Variants in ROBO2 observed in about 807,000 individuals in gnomAD.
ROBO2 encodes roundabout guidance receptor 2.
In ROBO2, 53 loss-of-function variants were observed where a neutral mutation model predicts 160.8. The observed-to-expected ratio is 0.33, with a 90% CI of 0.26 to 0.41. ROBO2 has a LOEUF of 0.41. Among genes scored for constraint, ROBO2 ranks in the 10% least tolerant of loss-of-function variants. The pLI, the probability that ROBO2 is intolerant of heterozygous loss-of-function variation, is 1.00. For synonymous variants in ROBO2, 664 were observed against 611.7 expected (o/e 1.09, Z -1.26); for missense variants, 1,577 against 1,722.4 (o/e 0.92, Z 1.49).
At chr3:77,209,289 C>A (rs1056521451) in intron 2 of ROBO2, among the ~76,000 whole-genome samples, 2 of 152,008 alleles carry the variant, frequency 1.3e-5, no homozygotes, top group African/African-American at 4.8e-5. Context: ...AATCAAAAAA[C>A]ATCTCTGTTG....
chr3:76,356,238 T>G (rs895972614), intron 2 of ROBO2, among the ~76,000 whole-genome samples: 3 of 151,592 alleles, frequency 2.0e-5, no homozygotes, highest in Non-Finnish European at 3.0e-5. Flanking sequence ...ACAAAGCACT[T>G]GAGTCATGCA....
In ROBO2 at chr3:77,112,266, C is replaced by T. The variant is rs965253458; in HGVS notation, c.388+13926C>T. On this transcript the variant is annotated intron_variant, in intron 2 of 25. Transcript: ENST00000461745. ...GGGGTGGAGGGGGGGACGCAGGGGC[C>T]GGAGTCTCGCCTTGTCGCCCAGGCT... Among the ~76,000 whole-genome samples, 6 of 149,436 alleles carry T rather than the reference C, an allele frequency of 4.0e-5. No individual in the cohort carries two copies. In the South Asian group the frequency reaches 1.1e-3, roughly 27 times the overall value.
At chr3:77,133,016 C>T (rs2075986999) in intron 2 of ROBO2, among the ~76,000 whole-genome samples, 2 of 152,106 alleles carry the variant, frequency 1.3e-5, no homozygotes, top group Admixed American at 1.3e-4. Flanking sequence ...GCTCCATGTA[C>T]AGTTAGCTAC....
intron 2 of ROBO2, among the ~76,000 whole-genome samples, chr3:76,560,616 C>CAAAAAAAAAA (rs1160642120): frequency 9.3e-6 from 1 of 108,024 alleles, no homozygotes. Flanking sequence ...TCTGATTTCA[C>CAAAAAAAAAA]AAAAAAAAAA....
intron 2 of ROBO2, among the ~76,000 whole-genome samples, chr3:76,581,481 T>TA (rs1221525616): frequency 1.3e-5 from 2 of 151,736 alleles, no homozygotes; most frequent in Non-Finnish European, 2.9e-5. Context: ...TAAACAAAAA[T>TA]AAAAAAATCA....
chr3:77,426,241 G>A (rs571362963), intron 2 of ROBO2, among the ~76,000 whole-genome samples: 14 of 152,052 alleles, frequency 9.2e-5, no homozygotes, highest in African/African-American at 2.9e-4. Context: ...TCCAAGTGCC[G>A]GCTTCATGAT....
At chr3:76,037,229 A>G (rs2067137419) in intron 2 of ROBO2, among the ~76,000 whole-genome samples, 1 of 151,664 alleles carries the variant, frequency 6.6e-6, no homozygotes, top group African/African-American at 2.4e-5. Flanking sequence ...AACACATGCT[A>G]AATTAAAAAT....
At chr3:77,130,305 C>T (rs891898696) in intron 2 of ROBO2, among the ~76,000 whole-genome samples, 8 of 152,152 alleles carry the variant, frequency 5.3e-5, no homozygotes, top group African/African-American at 1.9e-4. Context: ...AAATGCATGG[C>T]TGTTGTTGTG....
intron 2 of ROBO2, among the ~76,000 whole-genome samples, chr3:77,013,381 C>G (rs2062032642): frequency 6.6e-6 from 1 of 151,760 alleles, no homozygotes; most frequent in South Asian, 2.1e-4. Flanking sequence ...GAGTGAAATA[C>G]AAAGAAGAAT....
intron 2 of ROBO2, among the ~76,000 whole-genome samples, chr3:76,360,519 C>G (rs755126233): frequency 1.3e-5 from 2 of 152,058 alleles, no homozygotes; most frequent in Non-Finnish European, 2.9e-5. Context: ...AGTTAATGAA[C>G]TTTTAAACAA....
chr3:75,929,082 G>T (rs1368432102), intron 1 of ROBO2, among the ~76,000 whole-genome samples: 1 of 148,818 alleles, frequency 6.7e-6, no homozygotes, highest in Non-Finnish European at 1.5e-5. Context: ...AGACGTGTGT[G>T]TGTGTGTGGA....
At chr3:77,170,606 C>G (rs1327165150) in intron 2 of ROBO2, among the ~76,000 whole-genome samples, 1 of 151,906 alleles carries the variant, frequency 6.6e-6, no homozygotes, top group Non-Finnish European at 1.5e-5. Flanking sequence ...ATATGTGACT[C>G]AACTCAACTG....
intron 2 of ROBO2, among the ~76,000 whole-genome samples, chr3:77,251,221 TG>T (rs1295183565): frequency 1.3e-5 from 2 of 152,136 alleles, no homozygotes; most frequent in East Asian, 1.9e-4. Context: ...CATTAAACCG[TG>T]GCCCCACAGC....
chr3:76,009,006 T>G (rs1268390861), intron 2 of ROBO2, among the ~76,000 whole-genome samples: 1 of 152,122 alleles, frequency 6.6e-6, no homozygotes, highest in Non-Finnish European at 1.5e-5. Flanking sequence ...GCCTGTTTGT[T>G]CATATTACTT....
At chr3:76,394,468 G>A (rs535419186) in intron 2 of ROBO2, among the ~76,000 whole-genome samples, 96 of 152,258 alleles carry the variant, frequency 6.3e-4, no homozygotes, top group Middle Eastern at 3.4e-3. Flanking sequence ...CTTCTGGCTT[G>A]TAGAGTTTCT....
At chr3:77,455,293 C>T (rs916166980) in intron 2 of ROBO2, among the ~76,000 whole-genome samples, 9 of 151,728 alleles carry the variant, frequency 5.9e-5, no homozygotes, top group Non-Finnish European at 1.2e-4. Flanking sequence ...CAATCATTTA[C>T]GAAAAACTTT....
chr3:76,732,075 TA>T (rs973806901), intron 2 of ROBO2, among the ~76,000 whole-genome samples: 67 of 152,288 alleles, frequency 4.4e-4, no homozygotes, highest in African/African-American at 1.6e-3. Flanking sequence ...ATAATGAAAT[TA>T]TGTGCCATTA....
chr3:76,602,555 G>A lies in ROBO2; in HGVS notation c.110-495459G>A, dbSNP rs186473613. 9.5e-4 allele frequency among the ~76,000 whole-genome samples: 144 copies of A among 152,352 alleles called. 2 individuals carry two copies. Among genetic ancestry groups the A allele is most frequent in the Non-Finnish European group, 3.4e-4 (23 of 68,034 alleles). ...CAGCAGACGAGAGAATGCGAATCAA[G>A]TGAAAGGGGTTCCCCTTATCAAACC... On this transcript the variant is annotated intron_variant, in intron 2 of 26. Transcript: ENST00000487694.
intron 2 of ROBO2, among the ~76,000 whole-genome samples, chr3:76,588,710 A>G (rs995143387): frequency 6.6e-6 from 1 of 152,214 alleles, no homozygotes; most frequent in Admixed American, 6.5e-5. Flanking sequence ...TATATAACTT[A>G]CTTTTGAGTT....
Sources: gnomAD v4.1 joint callset for allele counts (sites outside exome capture counted in the v4.1 genomes callset) on GRCh38, gnomAD v4.1.1 for gene constraint, MANE v1.5 for transcripts, NCBI Gene and HGNC (gene_info 2026-07-23, HGNC 2026-07-21) for gene names.